GRID2: variants seen among roughly 807,000 people sequenced by gnomAD.
GRID2 encodes glutamate ionotropic receptor delta type subunit 2.
In GRID2, 33 loss-of-function variants were observed where a neutral mutation model predicts 114.8. The observed-to-expected ratio is 0.29, with a 90% CI of 0.22 to 0.38. The LOEUF (loss-of-function observed/expected upper bound fraction) is 0.38, where lower values mean the gene tolerates loss of function less well. Ranked by LOEUF, GRID2 falls within the 10% of genes least tolerant of loss-of-function variation. GRID2 has a pLI of 1.00. For missense variants in GRID2, 1,184 were observed against 1,257.7 expected, an observed-to-expected ratio of 0.94 and a Z score of 0.89; for synonymous variants, 505 against 449.9, an observed-to-expected ratio of 1.12 and a Z score of -1.55.
chr4:93,730,448 G>C (rs1730378178), intron 14 of GRID2, among the ~76,000 whole-genome samples: 1 of 152,202 alleles, frequency 6.6e-6, no homozygotes, highest in South Asian at 2.1e-4. Context: ...AGGTCTCAGA[G>C]CAGCTGATTA....
intron 1 of GRID2, among the ~76,000 whole-genome samples, chr4:92,336,739 A>G (rs1727189876): frequency 6.6e-6 from 1 of 151,948 alleles, no homozygotes; most frequent in African/African-American, 2.4e-5. Context: ...TTAGATCTCT[A>G]CCTCCTCACC....
intron 13 of GRID2, among the ~76,000 whole-genome samples, chr4:93,612,814 ATCTTTGTGGCGTTC>A (rs1741101000): frequency 1.0e-5 from 1 of 97,368 alleles, no homozygotes; most frequent in Admixed American, 1.1e-4. Flanking sequence ...CTCGAGGAGT[ATCTTTGTGGCGTTC>A]TCTGTATTTC....
At chr4:92,645,901 G>C (rs1388805714) in intron 2 of GRID2, among the ~76,000 whole-genome samples, 1 of 151,702 alleles carries the variant, frequency 6.6e-6, no homozygotes, top group Non-Finnish European at 1.5e-5. Context: ...GGGCTCTTAT[G>C]AATAAGCTGC....
intron 14 of GRID2, among the ~76,000 whole-genome samples, chr4:93,747,095 T>C (rs1355368632): frequency 6.6e-6 from 1 of 152,108 alleles, no homozygotes. Flanking sequence ...CATGACACTT[T>C]TGAAATATTT....
intron 11 of GRID2, among the ~76,000 whole-genome samples, chr4:93,475,507 C>T (rs927414620): frequency 6.6e-6 from 1 of 152,020 alleles, no homozygotes; most frequent in Non-Finnish European, 1.5e-5. Flanking sequence ...TTTTAAATGA[C>T]ATTTTGGAGG....
At chr4:92,486,196 A>T (rs1280676312) in intron 1 of GRID2, among the ~76,000 whole-genome samples, 1 of 151,500 alleles carries the variant, frequency 6.6e-6, no homozygotes, top group Non-Finnish European at 1.5e-5. Context: ...TTTATTTTTA[A>T]CCACTTAAAA....
In GRID2 at chr4:92,866,208, A is replaced by G. The variant is rs141012004; in HGVS notation, c.245-218787A>G. ...CTTCAGTAGGATTTTACAGTCCATC[A>G]TCACTCAAATTGTTGATACAGACAT... is the stretch of plus-strand genomic sequence containing the variant. On this transcript the variant is annotated intron_variant, in intron 2 of 15. Transcript: ENST00000282020. Among the ~76,000 whole-genome samples, 1,083 of 152,306 alleles carry G rather than the reference A, an allele frequency of 7.1e-3. 7 individuals are homozygous for G. The highest frequency in any genetic ancestry group is 0.031 in the Middle Eastern group (9 of 294).
At chr4:93,478,342 T>A (rs1254891876) in intron 11 of GRID2, among the ~76,000 whole-genome samples, 1 of 152,080 alleles carries the variant, frequency 6.6e-6, no homozygotes, top group East Asian at 1.9e-4. Context: ...ATTTTTCATA[T>A]CTGCTCATCA....
chr4:92,824,885 A>G (rs113804403), intron 2 of GRID2, among the ~76,000 whole-genome samples: 3 of 152,244 alleles, frequency 2.0e-5, no homozygotes, highest in African/African-American at 7.2e-5. Flanking sequence ...TGTTAGAAAA[A>G]CTATTAAACA....
intron 2 of GRID2, among the ~76,000 whole-genome samples, chr4:92,979,302 C>CT (rs1266699175): frequency 6.6e-6 from 1 of 151,744 alleles, no homozygotes; most frequent in East Asian, 1.9e-4. Flanking sequence ...AATGTGGATA[C>CT]TAGATATTTA....
At chr4:92,709,572 G>GAAAA (rs767320278) in intron 2 of GRID2, among the ~76,000 whole-genome samples, 174 of 100,960 alleles carry the variant, frequency 1.7e-3, no homozygotes, top group Non-Finnish European at 2.0e-3. Context: ...ATAGTGTAGA[G>GAAAA]AAAAAAAAAA....
At chr4:93,479,251 C>T (rs74665797) in intron 11 of GRID2, among the ~76,000 whole-genome samples, 2,606 of 152,068 alleles carry the variant, frequency 0.017, 64 homozygotes, top group African/African-American at 0.06. Flanking sequence ...ATGAAGTAAG[C>T]ATGTACTGCT....
At chr4:93,209,053 A>T (rs1245041519) in intron 5 of GRID2, among the ~76,000 whole-genome samples, 1 of 152,020 alleles carries the variant, frequency 6.6e-6, no homozygotes, top group African/African-American at 2.4e-5. Context: ...TTTAAAACTT[A>T]ATCTTTTTCA....
intron 1 of GRID2, among the ~76,000 whole-genome samples, chr4:92,353,326 G>T (rs1728161854): frequency 6.6e-6 from 1 of 150,810 alleles, no homozygotes; most frequent in African/African-American, 2.4e-5. Flanking sequence ...CCAGTGTTTG[G>T]GCTTCATTAG....
At chr4:93,611,150 C>T (rs1466599645) in intron 13 of GRID2, among the ~76,000 whole-genome samples, 15 of 101,700 alleles carry the variant, frequency 1.5e-4, no homozygotes, top group East Asian at 5.2e-4. Context: ...TCTGTGGGAT[C>T]GGTGGTGATA....
chr4:93,437,788 C>G (rs2149387783), intron 10 of GRID2, among the ~76,000 whole-genome samples: 1 of 152,160 alleles, frequency 6.6e-6, no homozygotes, highest in East Asian at 1.9e-4. Context: ...ATTTCTCAAC[C>G]CTAGCTAAAC....
intron 11 of GRID2, among the ~76,000 whole-genome samples, chr4:93,460,286 G>A (rs1331874005): frequency 4.6e-5 from 7 of 151,994 alleles, no homozygotes; most frequent in Non-Finnish European, 7.4e-5. Flanking sequence ...CTTACCATTC[G>A]TGCCTCACAT....
intron 1 of GRID2, among the ~76,000 whole-genome samples, chr4:92,308,374 T>C (rs1725522324): frequency 6.6e-6 from 1 of 152,204 alleles, no homozygotes; most frequent in Non-Finnish European, 1.5e-5. Context: ...TACTTATTCA[T>C]ATATTATACA....
intron 8 of GRID2, among the ~76,000 whole-genome samples, chr4:93,270,697 C>G (rs1447756340): frequency 6.6e-6 from 1 of 151,964 alleles, no homozygotes; most frequent in East Asian, 1.9e-4. Context: ...GGCACAATTT[C>G]GGCTCACTGC....
Sources: gnomAD v4.1 joint callset for allele counts (sites outside exome capture counted in the v4.1 genomes callset) on GRCh38, gnomAD v4.1.1 for gene constraint, MANE v1.5 for transcripts, NCBI Gene and HGNC (gene_info 2026-07-23, HGNC 2026-07-21) for gene names.